Variants in BRF1 observed in about 807,000 individuals in gnomAD.
The protein encoded by BRF1 is BRF1 general transcription factor IIIB subunit.
In BRF1, 59 loss-of-function variants were observed where a neutral mutation model predicts 81.7. The ratio of observed to expected loss-of-function variants is 0.72; its 90% confidence interval spans 0.59 to 0.90. The LOEUF is 0.90. Among genes scored for constraint, BRF1 ranks in the 40% least tolerant of loss-of-function variants. The probability of loss-of-function intolerance (pLI) is 0.00; values close to 1 mark genes in which losing one functional copy is unlikely to be tolerated. For synonymous variants in BRF1, 491 were observed against 395.6 expected, an observed-to-expected ratio of 1.24 and a Z score of -2.86; for missense variants, 1,050 against 936.3, an observed-to-expected ratio of 1.12 and a Z score of -1.58.
At chr14:105,294,169 G>T (rs587605188) in intron 1 of BRF1, among the ~76,000 whole-genome samples, 8 of 152,260 alleles carry the variant, frequency 5.3e-5, no homozygotes, top group African/African-American at 1.9e-4. Flanking sequence ...CCCCACTCTC[G>T]GCCCAGGCAC....
At chr14:105,215,755 G>T (rs1891078634) in intron 15 of BRF1, among the ~76,000 whole-genome samples, 1 of 93,802 alleles carries the variant, frequency 1.1e-5, no homozygotes, top group African/African-American at 4.6e-5. Context: ...ACAGACACAG[G>T]CACATACACA....
intron 5 of BRF1, among the ~76,000 whole-genome samples, chr14:105,246,119 G>A (rs1325298179): frequency 6.6e-6 from 1 of 152,098 alleles, no homozygotes; most frequent in African/African-American, 2.4e-5. Flanking sequence ...CAGCTCTTTG[G>A]GAGGCTGAGG....
At chr14:105,297,715 G>A (rs587619757) in intron 1 of BRF1, among the ~76,000 whole-genome samples, 5 of 151,856 alleles carry the variant, frequency 3.3e-5, no homozygotes, top group East Asian at 2.0e-4. Context: ...GCTCCAAAAC[G>A]GCCCGGTGCA....
chr14:105,275,772 T>C (rs1467932767), intron 2 of BRF1, among the ~76,000 whole-genome samples: 2 of 152,254 alleles, frequency 1.3e-5, no homozygotes, highest in African/African-American at 4.8e-5. Context: ...TCCTATCCCC[T>C]ACGGGGATGG....
chr14:105,302,493 G>GCCCTGTCCTCCCAAAGTGC (rs2058070833), upstream of BRF1, among the ~76,000 whole-genome samples: 1 of 151,746 alleles, frequency 6.6e-6, no homozygotes, highest in Non-Finnish European at 1.5e-5. Flanking sequence ...ATGAGCCACC[G>GCCCTGTCCTCCCAAAGTGC]TGCATGGCCC....
intron 15 of BRF1, 69 bp from the exon 16 acceptor site, chr14:105,212,233 T>G (rs1475169535): frequency 9.6e-6 from 15 of 1,554,922 alleles, no homozygotes; most frequent in Non-Finnish European, 1.2e-5. Context: ...TGTTCCCTTT[T>G]GCCCATCTTC....
Position 105,209,632 on chromosome 14 carries a change from C to T in BRF1, c.*919G>A, listed in dbSNP as rs757507809. On this transcript the variant is annotated 3_prime_UTR_variant, in exon 18 of 18. Coordinates refer to ENST00000547530, the MANE Select transcript of BRF1 (RefSeq NM_001519.4). ...AGGCCTGGGGAGGCTCTCGGGCCTCCGTCTGCCCTCCCTCCTCGATGGGGG... is the reference window on the plus strand; with the variant it reads ...AGGCCTGGGGAGGCTCTCGGGCCTCTGTCTGCCCTCCCTCCTCGATGGGGG... 330 of 693,916 alleles carry T rather than the reference C, an allele frequency of 4.8e-4. 1 individual carries two copies. Among genetic ancestry groups the T allele is most frequent in the Non-Finnish European group, 7.4e-4 (282 of 379,394 alleles). 43.0% of individuals were successfully genotyped at this position (693,916 alleles called of 1,614,324 possible).
chr14:105,250,328 G>A, intron 5 of BRF1: 1 of 1,613,518 alleles, frequency 6.2e-7, no homozygotes, highest in Non-Finnish European at 8.5e-7. Flanking sequence ...ATTTATTGCA[G>A]GGCTGGGCCT....
chr14:105,291,826 CG>C (rs1369453235), intron 1 of BRF1, among the ~76,000 whole-genome samples: 24 of 151,698 alleles, frequency 1.6e-4, no homozygotes, highest in African/African-American at 5.8e-4. Flanking sequence ...GGCGAAACCC[CG>C]TCTCTACTAA....
intron 5 of BRF1, chr14:105,246,863 T>A: frequency 1.0e-6 from 1 of 985,510 alleles, no homozygotes; most frequent in South Asian, 4.7e-5. Flanking sequence ...AGACGCTGAC[T>A]ACCTCTGGCG....
intron 2 of BRF1, among the ~76,000 whole-genome samples, chr14:105,281,476 T>C (rs1478204892): frequency 6.7e-6 from 1 of 149,436 alleles, no homozygotes; most frequent in Non-Finnish European, 1.5e-5. Context: ...TGCGTGACCC[T>C]GAGCCCAGGT....
rs12587581 is a variant in BRF1, at chr14:105,240,993, C to G, written c.694+272G>C. On this transcript the variant is annotated intron_variant, in intron 6 of 17. Coordinates refer to ENST00000547530, the MANE Select transcript of BRF1 (RefSeq NM_001519.4). Reference sequence around the variant, plus strand: ...CCACGGGCAGGGATGCCCATGCAGCCGCACCCCAGAAGTAGGCAACCTGGG... The same window carrying G: ...CCACGGGCAGGGATGCCCATGCAGCGGCACCCCAGAAGTAGGCAACCTGGG... Among the ~76,000 whole-genome samples, 987 of 152,330 alleles carry G rather than the reference C, an allele frequency of 6.5e-3. 30 individuals carry two copies. In the East Asian group the frequency reaches 0.11, roughly 18 times the overall value.
At chr14:105,249,508 T>A in intron 5 of BRF1, 1 of 1,107,390 alleles carries the variant, frequency 9.0e-7, no homozygotes, top group Non-Finnish European at 1.3e-6. Context: ...GAGGGACGGG[T>A]GGGTCCGTTT....
intron 5 of BRF1, chr14:105,250,558 G>A (rs149041619): frequency 2.5e-5 from 40 of 1,614,024 alleles, no homozygotes; most frequent in Admixed American, 1.2e-4. Flanking sequence ...GGCAGGAGGG[G>A]ATGACGGAAG....
rs186088816 is a variant in BRF1, at chr14:105,211,398, G to A, written c.1825-105C>T. ...TGGCCCAGGATGCTCAGCCACTCCC[G>A]CCACACCAGTGGCTCCCGGGGTTGG... On this transcript the variant is annotated intron_variant, in intron 16 of 17. Transcript: ENST00000547530. 1,126 of 1,113,230 alleles carry A rather than the reference G, an allele frequency of 1.0e-3. 5 individuals carry two copies. In the African/African-American group the frequency reaches 0.015, roughly 15 times the overall value. The allele number at this position is 1,113,230 out of a possible 1,614,324, so 69.0% of individuals were successfully genotyped here.
intron 10 of BRF1, 103 bp from the exon 11 acceptor site, chr14:105,222,017 C>A: frequency 2.1e-6 from 3 of 1,412,332 alleles, no homozygotes; most frequent in South Asian, 1.4e-5. Context: ...CATAGAACGG[C>A]TGTCAGTGCA....
intron 5 of BRF1, among the ~76,000 whole-genome samples, chr14:105,243,685 A>G (rs72709737): frequency 0.018 from 2,775 of 152,200 alleles, 35 homozygotes; most frequent in African/African-American, 0.029. Flanking sequence ...TAGAAAACTC[A>G]TTTCAAAAAC....
intron 2 of BRF1, among the ~76,000 whole-genome samples, chr14:105,278,067 T>G (rs2056917713): frequency 6.6e-6 from 1 of 152,202 alleles, no homozygotes; most frequent in South Asian, 2.1e-4. Flanking sequence ...ATGTTATTAA[T>G]AAACAGATAT....
In BRF1 at chr14:105,250,027, C is replaced by G. The variant is rs778368868; in HGVS notation, c.544+2480G>C. 14 of 1,612,862 alleles carry G rather than the reference C, an allele frequency of 8.7e-6. No homozygotes were observed. The highest frequency in any genetic ancestry group is 1.3e-5 in the African/African-American group (1 of 74,950). On this transcript the variant is annotated intron_variant, in intron 5 of 17. Coordinates refer to ENST00000547530, the MANE Select transcript of BRF1 (RefSeq NM_001519.4). ...AGGGGCTGCCAATCACCCCACGAAACAAGAGGCATGTTCTGGGGCGAGCCC... is the reference window on the plus strand; with the variant it reads ...AGGGGCTGCCAATCACCCCACGAAAGAAGAGGCATGTTCTGGGGCGAGCCC...
Sources: allele counts gnomAD v4.1 joint callset (sites outside exome capture counted in the v4.1 genomes callset), GRCh38; gene constraint gnomAD v4.1.1; transcripts MANE v1.5; gene names NCBI Gene and HGNC (gene_info 2026-07-23, HGNC 2026-07-21).